The following CTNNA2 variants were observed in gnomAD, a reference collection of about 807,000 sequenced individuals.
CTNNA2 encodes the protein catenin alpha-2.
Under a neutral mutation model 101.0 loss-of-function variants are expected in CTNNA2, and 42 were observed. The ratio of observed to expected loss-of-function variants is 0.42; its 90% CI spans 0.32 to 0.54. The LOEUF is 0.54. CTNNA2 is among the 20% of genes least tolerant of loss of function. The pLI is 0.14. For synonymous variants in CTNNA2, 450 were observed against 456.4 expected (o/e 0.99, Z 0.18); for missense variants, 871 against 1,223.1 (o/e 0.71, Z 4.29).
chr2:80,586,654 ACT>A (rs1270400568), intron 14 of CTNNA2: 17 of 152,136 alleles, frequency 1.1e-4, no homozygotes, highest in African/African-American at 4.1e-4. Flanking sequence ...CTTACAATAA[ACT>A]CTTGTATATC....
chr2:80,331,843 C>T (rs1328534715), intron 7 of CTNNA2, among the ~76,000 whole-genome samples: 1 of 152,082 alleles, frequency 6.6e-6, no homozygotes, highest in Non-Finnish European at 1.5e-5. Flanking sequence ...CTATGATTGT[C>T]ATAACTTACA....
chr2:79,605,558 A>T (rs1677831807), intron 1 of CTNNA2, among the ~76,000 whole-genome samples: 1 of 152,148 alleles, frequency 6.6e-6, no homozygotes, highest in Admixed American at 6.5e-5. Flanking sequence ...AGAGGGGAAA[A>T]ATACATTGTG....
At chr2:79,192,161 G>A (rs1033249090) in intron 1 of CTNNA2, among the ~76,000 whole-genome samples, 2 of 151,986 alleles carry the variant, frequency 1.3e-5, no homozygotes, top group East Asian at 3.9e-4. Context: ...GGGGTGTAAC[G>A]AGGCGTGACT....
At chr2:79,259,691 C>T (rs1224899521) in intron 2 of CTNNA2, among the ~76,000 whole-genome samples, 1 of 152,146 alleles carries the variant, frequency 6.6e-6, no homozygotes, top group Non-Finnish European at 1.5e-5. Flanking sequence ...GTGCAGGCTG[C>T]CTACCTGCAG....
chr2:79,426,856 T>C (rs188057604), intron 4 of CTNNA2, among the ~76,000 whole-genome samples: 9 of 152,258 alleles, frequency 5.9e-5, no homozygotes, highest in African/African-American at 1.9e-4. Flanking sequence ...CCCAGAGATA[T>C]AGCAGTGAGA....
chr2:80,607,296 G>A (rs1698110743), intron 16 of CTNNA2, among the ~76,000 whole-genome samples: 1 of 151,928 alleles, frequency 6.6e-6, no homozygotes, highest in Admixed American at 6.6e-5. Context: ...AAATGGCCTG[G>A]AAGTAGCTCA....
chr2:79,869,884 G>A lies in CTNNA2; in HGVS notation c.534G>A (p.Glu178=). The A allele has an allele frequency of 6.2e-7, 1 of 1,614,142 alleles. No homozygotes were observed. Among genetic ancestry groups the A allele is most frequent in the Non-Finnish European group, 8.5e-7 (1 of 1,180,002 alleles). Residue 178 remains glutamate (E), a synonymous_variant, in exon 5 of 19, where the codon GAG becomes GAA. Coordinates refer to ENST00000402739, the MANE Select transcript of CTNNA2 (RefSeq NM_001282597.3). ...NEQDLANRFK[E]FGKEMVKLNY... The stretch of plus-strand genomic sequence containing the variant: ...AAGACCTTGCAAACCGTTTTAAAGA[G>A]TTTGGGAAAGAGATGGTGAAACTTA...
At chr2:80,264,766 T>C (rs1435270151) in intron 7 of CTNNA2, among the ~76,000 whole-genome samples, 2 of 152,102 alleles carry the variant, frequency 1.3e-5, no homozygotes, top group Non-Finnish European at 2.9e-5. Context: ...ATCGAGGTGG[T>C]GATACTGATA....
chr2:79,675,485 T>C (rs569601420), intron 2 of CTNNA2, among the ~76,000 whole-genome samples: 1 of 152,214 alleles, frequency 6.6e-6, no homozygotes, highest in Admixed American at 6.5e-5. Flanking sequence ...GGGAATTATA[T>C]GGCTGCTCTG....
chr2:80,336,320 C>T (rs1374865213), intron 7 of CTNNA2, among the ~76,000 whole-genome samples: 1 of 152,134 alleles, frequency 6.6e-6, no homozygotes, highest in African/African-American at 2.4e-5. Context: ...TCTGAGGCCT[C>T]ATCTCCAAGT....
rs192862105 is a variant in CTNNA2 at position 80,044,926 on chromosome 2, T to C, written c.1056+135129T>C. On this transcript the variant is annotated intron_variant, in intron 7 of 18. Coordinates refer to ENST00000402739, the MANE Select transcript of CTNNA2 (RefSeq NM_001282597.3). ...ATGGAGGGTTTCTGACTGGGAGATA[T>C]GGGGTATGGATGCTAACTGCAGTAC... Among the ~76,000 whole-genome samples, 13 of 152,172 alleles carry C rather than the reference T, an allele frequency of 8.5e-5. No homozygotes were observed. In the East Asian group the frequency reaches 2.1e-3, roughly 25 times the overall value.
At chr2:80,050,310 C>A (rs1434167721) in intron 7 of CTNNA2, among the ~76,000 whole-genome samples, 1 of 152,156 alleles carries the variant, frequency 6.6e-6, no homozygotes, top group African/African-American at 2.4e-5. Flanking sequence ...CAGGGCTGCC[C>A]TGTATTTGTT....
chr2:80,236,081 A>G (rs1709536317), intron 7 of CTNNA2, among the ~76,000 whole-genome samples: 1 of 152,102 alleles, frequency 6.6e-6, no homozygotes, highest in Non-Finnish European at 1.5e-5. Context: ...CTGTTCCTGC[A>G]TTAGTTTGCT....
intron 6 of CTNNA2, among the ~76,000 whole-genome samples, chr2:79,878,115 C>A (rs748481445): frequency 4.6e-5 from 7 of 152,164 alleles, no homozygotes; most frequent in Non-Finnish European, 1.0e-4. Context: ...TGGCTTCCAG[C>A]TTCATCCACG....
chr2:79,734,836 G>A (rs949764911), intron 2 of CTNNA2, among the ~76,000 whole-genome samples: 1 of 152,070 alleles, frequency 6.6e-6, no homozygotes, highest in Non-Finnish European at 1.5e-5. Context: ...GTTTCTAAGA[G>A]GAAGTATCAA....
At chr2:79,384,092 G>A (rs957680697) in intron 4 of CTNNA2, among the ~76,000 whole-genome samples, 1 of 152,078 alleles carries the variant, frequency 6.6e-6, no homozygotes. Flanking sequence ...ATAGGCACAG[G>A]GAATGCAGCA....
At position 80,648,334 on chromosome 2, in the gene CTNNA2, G is replaced by A. The variant is rs1674330201; in HGVS notation, c.*462G>A. On this transcript the variant is annotated 3_prime_UTR_variant, in exon 19 of 19. Transcript: ENST00000402739. ...AATGTACTAGCCAATACGCTTAAGT[G>A]TGTGGCCCATGAATTGAACAATTTA... 6.5e-6 allele frequency: 1 copy of A among 153,022 alleles called. No individual in the cohort carries two copies. The highest frequency in any genetic ancestry group is 1.5e-5 in the Non-Finnish European group (1 of 68,330). The allele number at this position is 153,022 out of a possible 1,614,324, so 9.5% of individuals were successfully genotyped here.
At chr2:80,264,809 A>G (rs898114000) in intron 7 of CTNNA2, among the ~76,000 whole-genome samples, 3 of 152,110 alleles carry the variant, frequency 2.0e-5, no homozygotes, top group African/African-American at 7.2e-5. Context: ...GGGGCAGCAA[A>G]TATTTCTTCT....
Position 79,959,783 on chromosome 2 carries a change from C to G in CTNNA2, c.1056+49986C>G, listed in dbSNP as rs541244629. ...CATATTTTCTTCTTGCGCAGAAAGC[C>G]TTGTATTTTCTGCTAGGCACTTGGT... On this transcript the variant is annotated intron_variant, in intron 7 of 18. Coordinates refer to ENST00000402739, the MANE Select transcript of CTNNA2 (RefSeq NM_001282597.3). Among the ~76,000 whole-genome samples, 3 of 152,304 alleles carry G rather than the reference C, an allele frequency of 2.0e-5. No individual in the cohort carries two copies. In the East Asian group the frequency reaches 5.8e-4, roughly 29 times the overall value.
Sources: allele counts gnomAD v4.1 joint callset (sites outside exome capture counted in the v4.1 genomes callset), GRCh38; gene constraint gnomAD v4.1.1; transcripts MANE v1.5; gene names NCBI Gene and HGNC (gene_info 2026-07-23, HGNC 2026-07-21).